CYTH1: variants seen among roughly 807,000 people sequenced by gnomAD.
CYTH1 encodes cytohesin-1.
A neutral mutation model predicts 61.8 loss-of-function variants in CYTH1; 18 were observed. The ratio of observed to expected loss-of-function variants is 0.29; its 90% CI spans 0.20 to 0.43. CYTH1 has a LOEUF of 0.43. Among genes scored for constraint, CYTH1 ranks in the 20% least tolerant of loss-of-function variants. The pLI, the probability that CYTH1 is intolerant of heterozygous loss-of-function variation, is 1.00. For synonymous variants in CYTH1, 174 were observed against 184.3 expected, an observed-to-expected ratio of 0.94 and a Z score of 0.45; for missense variants, 336 against 510.5, an observed-to-expected ratio of 0.66 and a Z score of 3.29.
At chr17:78,731,871 A>G (rs1415052036) in intron 1 of CYTH1, among the ~76,000 whole-genome samples, 1 of 152,208 alleles carries the variant, frequency 6.6e-6, no homozygotes, top group Admixed American at 6.5e-5. Flanking sequence ...CCTTTGCAGG[A>G]TTATCAAAAT....
intron 1 of CYTH1, among the ~76,000 whole-genome samples, chr17:78,778,092 C>G (rs2093500278): frequency 6.6e-6 from 1 of 151,866 alleles, no homozygotes; most frequent in African/African-American, 2.4e-5. Context: ...CAATTGAGGT[C>G]AGGAGTTCAA....
At chr17:78,712,556 T>G (rs181671445) in intron 1 of CYTH1, among the ~76,000 whole-genome samples, 29 of 152,150 alleles carry the variant, frequency 1.9e-4, no homozygotes, top group African/African-American at 7.0e-4. Context: ...CTCAGGAGGC[T>G]GAGGCAGAAG....
At chr17:78,737,371 C>T (rs2093324826) in intron 1 of CYTH1, among the ~76,000 whole-genome samples, 1 of 152,146 alleles carries the variant, frequency 6.6e-6, no homozygotes, top group Non-Finnish European at 1.5e-5. Flanking sequence ...GTATTCAGTA[C>T]AGGTGTGACC....
chr17:78,677,207 G>C, intron 13 of CYTH1: 1 of 396,274 alleles, frequency 2.5e-6, no homozygotes, highest in South Asian at 1.9e-5. Flanking sequence ...TGGCGGCCGG[G>C]ACACCTGCTT....
At chr17:78,773,939 T>C (rs934190309) in intron 1 of CYTH1, among the ~76,000 whole-genome samples, 4 of 152,340 alleles carry the variant, frequency 2.6e-5, no homozygotes, top group African/African-American at 9.6e-5. Flanking sequence ...TTTCTTATGA[T>C]GTAGCCAGTT....
chr17:78,751,535 G>A (rs1195798741), intron 1 of CYTH1, among the ~76,000 whole-genome samples: 3 of 152,100 alleles, frequency 2.0e-5, no homozygotes, highest in African/African-American at 4.8e-5. Flanking sequence ...ACAGTATGAG[G>A]GCTGAAACAA....
At chr17:78,702,643 C>T in intron 3 of CYTH1, 39 bp from the exon 4 acceptor site, 5 of 1,598,572 alleles carry the variant, frequency 3.1e-6, no homozygotes, top group Non-Finnish European at 4.3e-6. Flanking sequence ...GTACTTCAGG[C>T]CATCGGAAAG....
intron 1 of CYTH1, among the ~76,000 whole-genome samples, chr17:78,777,796 C>G (rs1482619144): frequency 6.8e-6 from 1 of 147,478 alleles, no homozygotes. Context: ...ACCATCCTAG[C>G]TAACATGGTG....
chr17:78,770,261 T>C (rs1411180277), intron 1 of CYTH1, among the ~76,000 whole-genome samples: 2 of 142,162 alleles, frequency 1.4e-5, no homozygotes, highest in Non-Finnish European at 3.0e-5. Context: ...AGGTGGAGGA[T>C]GCAGTGAGTC....
chr17:78,699,033 G>C, intron 7 of CYTH1, 65 bp from the exon 8 acceptor site: 1 of 1,548,618 alleles, frequency 6.5e-7, no homozygotes, highest in Non-Finnish European at 8.8e-7. Flanking sequence ...CATCCCACCC[G>C]CAAGAGCAAG....
In CYTH1 at chr17:78,702,074, G is replaced by C. The variant is rs117927698; in HGVS notation, c.356+48C>G. On this transcript the variant is annotated intron_variant, in intron 5 of 13. Transcript: ENST00000446868. ...ATTTGGGAGTTTGTTTCTTTGTGTC[G>C]TTCCTGAACAGCCTTCCCTAGCATG... The C allele has an allele frequency of 3.5e-6, 5 of 1,443,048 alleles. No individual in the cohort carries two copies. The African/African-American group carries it at 5.7e-5, about 16-fold the overall frequency. The allele number at this position is 1,443,048 out of a possible 1,614,324, so 89.4% of individuals were successfully genotyped here.
intron 1 of CYTH1, among the ~76,000 whole-genome samples, chr17:78,768,023 C>T (rs573071315): frequency 1.1e-4 from 16 of 152,286 alleles, no homozygotes; most frequent in African/African-American, 3.4e-4. Flanking sequence ...AAATGTGAGA[C>T]CGATCGTCCT....
rs767603361 is a variant in CYTH1 at position 78,680,148 on chromosome 17, G to A, written c.1118+42C>T. 2.5e-6 allele frequency: 4 copies of A among 1,609,246 alleles called. No individual in the cohort carries two copies. The Admixed American group carries it at 6.7e-5, about 27-fold the overall frequency. On this transcript the variant is annotated intron_variant, in intron 13 of 13. Transcript: ENST00000446868. Reference sequence around the variant, plus strand: ...ATGATCAACACCTGGTGAGGTGAGGGCTGCACCAGGCGCGCACTGCCCTTT... The same window carrying A: ...ATGATCAACACCTGGTGAGGTGAGGACTGCACCAGGCGCGCACTGCCCTTT...
At chr17:78,680,668 A>C (rs957846162) in intron 12 of CYTH1, among the ~76,000 whole-genome samples, 1 of 152,158 alleles carries the variant, frequency 6.6e-6, no homozygotes, top group African/African-American at 2.4e-5. Flanking sequence ...AGGAAAACTA[A>C]ACGGGAGGTG....
At position 78,699,269 on chromosome 17, in the gene CYTH1, CAGG is replaced by C. The variant is rs2092981993; in HGVS notation, c.551-304_551-302del. Among the ~76,000 whole-genome samples, 7 of 151,764 alleles carry C rather than the reference CAGG, an allele frequency of 4.6e-5. No individual in the cohort carries two copies. The South Asian group carries it at 1.5e-3, about 32-fold the overall frequency. On this transcript the variant is annotated intron_variant, in intron 7 of 13. Transcript: ENST00000446868. ...ATCCCAGCAACTTGGGAGGCCGAGG[CAGG>C]AGAATTGCTTGAACCTGGGAGGCAG...
At chr17:78,695,479 C>T (rs942791652) in intron 10 of CYTH1, among the ~76,000 whole-genome samples, 1 of 152,134 alleles carries the variant, frequency 6.6e-6, no homozygotes, top group Non-Finnish European at 1.5e-5. Context: ...TAATTTAGTT[C>T]TTTCCCTAGT....
chr17:78,684,986 G>C (rs927295981), intron 11 of CYTH1, among the ~76,000 whole-genome samples: 1 of 152,090 alleles, frequency 6.6e-6, no homozygotes, highest in African/African-American at 2.4e-5. Flanking sequence ...AGATCACGAG[G>C]TCAGGAGTTT....
chr17:78,686,291 GAATA>G (rs2092815737), intron 11 of CYTH1, among the ~76,000 whole-genome samples: 1 of 152,144 alleles, frequency 6.6e-6, no homozygotes, highest in South Asian at 2.1e-4. Context: ...TTACCTTTAA[GAATA>G]AATAAGTTAT....
At chr17:78,720,114 G>C (rs2093215463) in intron 1 of CYTH1, among the ~76,000 whole-genome samples, 1 of 152,134 alleles carries the variant, frequency 6.6e-6, no homozygotes. Context: ...GTGGGAGAAT[G>C]AAGGTTTAAT....
Sources: gnomAD v4.1 joint callset for allele counts (sites outside exome capture counted in the v4.1 genomes callset) on GRCh38, gnomAD v4.1.1 for gene constraint, MANE v1.5 for transcripts, NCBI Gene and HGNC (gene_info 2026-07-23, HGNC 2026-07-21) for gene names.